ZNF438: variants seen among roughly 807,000 people sequenced by gnomAD.
ZNF438 encodes the protein zinc finger protein 438.
ZNF438 carries 25 observed loss-of-function variants against 38.0 expected under a neutral mutation model. That is an observed-to-expected ratio of 0.66 (90% CI 0.48 to 0.92). The LOEUF is 0.92. Among genes scored for constraint, ZNF438 ranks in the 40% least tolerant of loss-of-function variants. The pLI is 0.00. For missense variants in ZNF438, 1,007 were observed against 999.6 expected, an observed-to-expected ratio of 1.01 and a Z score of -0.10; for synonymous variants, 372 against 364.1, an observed-to-expected ratio of 1.02 and a Z score of -0.25.
chr10:30,877,819 A>T (rs1341168376), intron 3 of ZNF438, among the ~76,000 whole-genome samples: 1 of 152,216 alleles, frequency 6.6e-6, no homozygotes, highest in Non-Finnish European at 1.5e-5. Context: ...TAAACAAAAA[A>T]ATGTTCCTAA....
chr10:30,971,217 C>A (rs904173555), intron 1 of ZNF438, among the ~76,000 whole-genome samples: 1 of 152,072 alleles, frequency 6.6e-6, no homozygotes, highest in Non-Finnish European at 1.5e-5. Flanking sequence ...GAAGATGAGG[C>A]TAAATTATAT....
intron 4 of ZNF438, among the ~76,000 whole-genome samples, chr10:30,862,257 C>T (rs987940830): frequency 5.3e-5 from 8 of 152,146 alleles, no homozygotes; most frequent in Non-Finnish European, 1.0e-4. Flanking sequence ...TATGGCATGG[C>T]AAGAAATCTT....
chr10:31,012,529 T>C (rs1318539357), intron 1 of ZNF438, among the ~76,000 whole-genome samples: 1 of 152,216 alleles, frequency 6.6e-6, no homozygotes, highest in African/African-American at 2.4e-5. Flanking sequence ...CCCATTGGAA[T>C]TAAGCTCTAC....
At chr10:30,938,757 A>G (rs958673391) in intron 2 of ZNF438, among the ~76,000 whole-genome samples, 16 of 151,508 alleles carry the variant, frequency 1.1e-4, no homozygotes, top group African/African-American at 3.9e-4. Context: ...CCTATATTTC[A>G]GACTTCCCAG....
chr10:30,974,073 C>A (rs982494431), intron 1 of ZNF438, among the ~76,000 whole-genome samples: 3 of 152,198 alleles, frequency 2.0e-5, no homozygotes, highest in East Asian at 3.9e-4. Flanking sequence ...AACAGGCCTA[C>A]CTCCCAGTAC....
chr10:30,936,798 C>T (rs1028390076), intron 2 of ZNF438, among the ~76,000 whole-genome samples: 2 of 152,132 alleles, frequency 1.3e-5, no homozygotes, highest in East Asian at 1.9e-4. Flanking sequence ...CCAAAAAAGT[C>T]ACTGTTTTTA....
chr10:30,947,688 G>A (rs932173019), intron 1 of ZNF438, among the ~76,000 whole-genome samples: 6 of 152,238 alleles, frequency 3.9e-5, no homozygotes, highest in Non-Finnish European at 8.8e-5. Flanking sequence ...CTCCGTGGGT[G>A]TAGGACCCTC....
chr10:30,886,123 T>C (rs2039919986), intron 3 of ZNF438, among the ~76,000 whole-genome samples: 1 of 152,218 alleles, frequency 6.6e-6, no homozygotes, highest in African/African-American at 2.4e-5. Flanking sequence ...AAGCCTTTTA[T>C]TGTTAACTAT....
chr10:30,935,054 C>T (rs1177108135), intron 2 of ZNF438, among the ~76,000 whole-genome samples: 1 of 152,214 alleles, frequency 6.6e-6, no homozygotes, highest in Non-Finnish European at 1.5e-5. Flanking sequence ...TTGAATTAAA[C>T]ATCTCTGAAA....
At chr10:30,847,714 TG>T (rs1219309164) in intron 5 of ZNF438, among the ~76,000 whole-genome samples, 3 of 152,346 alleles carry the variant, frequency 2.0e-5, no homozygotes, top group East Asian at 1.9e-4. Flanking sequence ...ATCATGTTCC[TG>T]GTGCCAACCG....
intron 1 of ZNF438, among the ~76,000 whole-genome samples, chr10:30,962,569 C>A (rs565378097): frequency 6.8e-6 from 1 of 147,518 alleles, no homozygotes. Flanking sequence ...ATATACACTA[C>A]GTAATATACA....
At chr10:31,002,178 C>T (rs963965605) in intron 1 of ZNF438, among the ~76,000 whole-genome samples, 1 of 152,134 alleles carries the variant, frequency 6.6e-6, no homozygotes, top group Non-Finnish European at 1.5e-5. Flanking sequence ...TCAGTATTTT[C>T]GAAAGAATAG....
chr10:30,889,206 A>C (rs1357946905), intron 3 of ZNF438, among the ~76,000 whole-genome samples: 1 of 152,238 alleles, frequency 6.6e-6, no homozygotes, highest in South Asian at 2.1e-4. Context: ...AAACAAATAA[A>C]AACAAAATTC....
intron 3 of ZNF438, among the ~76,000 whole-genome samples, chr10:30,903,217 G>T (rs957418369): frequency 1.3e-5 from 2 of 152,186 alleles, no homozygotes; most frequent in African/African-American, 4.8e-5. Flanking sequence ...AGCCGGCTCC[G>T]GACTCAGCCA....
At chr10:30,956,442 T>C (rs1282638332) in intron 1 of ZNF438, among the ~76,000 whole-genome samples, 2 of 152,216 alleles carry the variant, frequency 1.3e-5, no homozygotes, top group Admixed American at 1.3e-4. Flanking sequence ...AAAGCTTCTC[T>C]TGTATTTTGA....
chr10:31,022,708 C>T (rs2133313348), intron 1 of ZNF438, among the ~76,000 whole-genome samples: 1 of 152,260 alleles, frequency 6.6e-6, no homozygotes, highest in Admixed American at 6.5e-5. Flanking sequence ...TGCCCAACCG[C>T]ACGACACACA....
At chr10:30,902,088 T>C (rs1002692362) in intron 3 of ZNF438, among the ~76,000 whole-genome samples, 1 of 152,136 alleles carries the variant, frequency 6.6e-6, no homozygotes, top group African/African-American at 2.4e-5. Context: ...ATTTATTGCA[T>C]AGAGCGAAAG....
intron 1 of ZNF438, among the ~76,000 whole-genome samples, chr10:31,015,507 A>G (rs1185995120): frequency 6.6e-6 from 1 of 152,010 alleles, no homozygotes; most frequent in Non-Finnish European, 1.5e-5. Context: ...AGCCGGACGT[A>G]GTGGTGTATG....
In ZNF438 at chr10:30,850,385, T is replaced by C; in HGVS notation, c.38-18A>G. Reference sequence around the variant, plus strand: ...TGATTCACCTGCAATGACAATAAAATATAAAGAGTTACTGTATGTAACTGT... The same window carrying C: ...TGATTCACCTGCAATGACAATAAAACATAAAGAGTTACTGTATGTAACTGT... On this transcript the variant is annotated intron_variant, in intron 4 of 5. Transcript: ENST00000413025. 2 of 1,599,532 alleles carry C rather than the reference T, an allele frequency of 1.3e-6. No individual in the cohort carries two copies. The highest frequency in any genetic ancestry group is 2.3e-5 in the South Asian group (2 of 87,864).
Sources: gnomAD v4.1 joint callset for allele counts (sites outside exome capture counted in the v4.1 genomes callset) on GRCh38, gnomAD v4.1.1 for gene constraint, MANE v1.5 for transcripts, NCBI Gene and HGNC (gene_info 2026-07-23, HGNC 2026-07-21) for gene names.